The following NEK1 variants were observed in gnomAD, a reference collection of about 807,000 sequenced individuals.
The protein encoded by NEK1 is NIMA related kinase 1.
NEK1 carries 137 observed loss-of-function variants against 182.1 expected under a neutral mutation model. The ratio of observed to expected loss-of-function variants is 0.75; its 90% CI spans 0.65 to 0.87. The LOEUF is 0.87. Among genes scored for constraint, NEK1 ranks in the 40% least tolerant of loss-of-function variants. The probability of loss-of-function intolerance (pLI) is 0.00; values close to 1 mark genes in which losing one functional copy is unlikely to be tolerated. For missense variants in NEK1, 1,391 were observed against 1,494.4 expected (o/e 0.93, Z 1.14); for synonymous variants, 513 against 492.2 (o/e 1.04, Z -0.56).
chr4:169,413,464 TA>T (rs1734004253), intron 31 of NEK1, among the ~76,000 whole-genome samples: 1 of 152,174 alleles, frequency 6.6e-6, no homozygotes, highest in South Asian at 2.1e-4. Flanking sequence ...CACATTCCTC[TA>T]CAACAAATTC....
At chr4:169,589,652 T>G in intron 6 of NEK1, 138 bp from the exon 7 acceptor site, 1 of 579,324 alleles carries the variant, frequency 1.7e-6, no homozygotes, top group Non-Finnish European at 3.0e-6. Context: ...AAAGAATAAA[T>G]GAAGTCCCCT....
At chr4:169,429,246 T>G (rs1736981355) in intron 29 of NEK1, among the ~76,000 whole-genome samples, 1 of 152,212 alleles carries the variant, frequency 6.6e-6, no homozygotes, top group Non-Finnish European at 1.5e-5. Flanking sequence ...TATTTTTAGC[T>G]ATCTCCTTAT....
intron 27 of NEK1, among the ~76,000 whole-genome samples, chr4:169,461,792 C>T (rs1039423599): frequency 3.3e-5 from 5 of 152,050 alleles, no homozygotes; most frequent in African/African-American, 1.2e-4. Context: ...GTCCTTTTCA[C>T]GCAATGTTAT....
chr4:169,563,069 T>C (rs1385332251), intron 12 of NEK1, among the ~76,000 whole-genome samples: 2 of 152,144 alleles, frequency 1.3e-5, no homozygotes, highest in African/African-American at 2.4e-5. Flanking sequence ...TCTAAAGTAT[T>C]TGGGGGCGGG....
chr4:169,480,598 C>T (rs908836408), intron 23 of NEK1, among the ~76,000 whole-genome samples: 1 of 149,632 alleles, frequency 6.7e-6, no homozygotes, highest in Non-Finnish European at 1.5e-5. Context: ...TGCCTTGATA[C>T]TGATGGCTAC....
At chr4:169,437,967 C>A in intron 28 of NEK1, 116 bp downstream of exon 28, 1 of 765,036 alleles carries the variant, frequency 1.3e-6, no homozygotes, top group Non-Finnish European at 1.9e-6. Flanking sequence ...AATACTGAAC[C>A]TAATTTGAGA....
intron 35 of NEK1, among the ~76,000 whole-genome samples, chr4:169,399,816 G>A (rs1186792650): frequency 1.3e-5 from 2 of 151,900 alleles, no homozygotes; most frequent in Non-Finnish European, 2.9e-5. Context: ...GTAGAGATAG[G>A]GTTTCACTAT....
chr4:169,507,126 C>A lies in NEK1; in HGVS notation c.1918G>T (p.Ala640Ser). 1 of 1,583,570 alleles carries A rather than the reference C, an allele frequency of 6.3e-7. No homozygotes were observed. The highest frequency in any genetic ancestry group is 1.2e-5 in the South Asian group (1 of 85,676). Residue 640 changes from alanine to serine, a missense_variant, in exon 23 of 36, where the codon GCA becomes TCA. Ala to Ser is a moderately conservative substitution (Grantham distance 99). Coordinates refer to ENST00000507142, the MANE Select transcript of NEK1 (RefSeq NM_001199397.3). ...TTTAGTACAGCAGCACGTGCATTTG[C>A]ATGGGCCTAAAAATAAAAACAATTA... Reference protein sequence around the residue: ...RKKIESLKAHANARAAVLKEQ... With the variant: ...RKKIESLKAHSNARAAVLKEQ...
At chr4:169,608,462 A>C (rs983271812) in intron 2 of NEK1, among the ~76,000 whole-genome samples, 2 of 152,234 alleles carry the variant, frequency 1.3e-5, no homozygotes, top group Non-Finnish European at 2.9e-5. Flanking sequence ...CTGAAATGTA[A>C]GAAATAAAAG....
chr4:169,513,833 A>G (rs960498324), intron 19 of NEK1, among the ~76,000 whole-genome samples: 1 of 152,062 alleles, frequency 6.6e-6, no homozygotes, highest in African/African-American at 2.4e-5. Flanking sequence ...TAATCATATG[A>G]ATTTCCTTCT....
At chr4:169,453,242 G>T (rs1742181491) in intron 27 of NEK1, among the ~76,000 whole-genome samples, 1 of 152,208 alleles carries the variant, frequency 6.6e-6, no homozygotes, top group South Asian at 2.1e-4. Context: ...ACTGCCCAAA[G>T]TAATTTATAG....
chr4:169,463,054 G>A (rs1423871239), intron 27 of NEK1, among the ~76,000 whole-genome samples, 189 bp downstream of exon 27: 1 of 151,868 alleles, frequency 6.6e-6, no homozygotes, highest in Non-Finnish European at 1.5e-5. Context: ...GGTCTATCAG[G>A]TCAAAACTCA....
At chr4:169,541,644 A>G (rs779034691) in intron 18 of NEK1, among the ~76,000 whole-genome samples, 3 of 152,184 alleles carry the variant, frequency 2.0e-5, no homozygotes, top group Non-Finnish European at 4.4e-5. Flanking sequence ...AATTATAATA[A>G]TCAGAAATTG....
rs569539235 is a variant in NEK1, at chr4:169,445,865, T to TATACAC, written c.2588-7607_2588-7606insGTGTAT. ...AACTATATACATATATATATATATA[T>TATACAC]ACACACACACACACACACACATGCA... On this transcript the variant is annotated intron_variant, in intron 27 of 35. Transcript: ENST00000507142. Among the ~76,000 whole-genome samples the TATACAC allele has an allele frequency of 7.3e-4, 104 of 143,274 alleles. 1 individual carries two copies. The highest frequency in any genetic ancestry group is 7.2e-3 in the Middle Eastern group (2 of 278). The allele number at this position is 143,274 out of a possible 152,430, so 94.0% of individuals were successfully genotyped here. A position where few individuals can be genotyped will look rare whatever the true frequency, so the allele number is the denominator to read the frequency against.
At chr4:169,529,409 G>A (rs991391337) in intron 19 of NEK1, among the ~76,000 whole-genome samples, 4 of 152,200 alleles carry the variant, frequency 2.6e-5, no homozygotes, top group Admixed American at 6.5e-5. Flanking sequence ...TATGTTATGT[G>A]TATTTTATTA....
chr4:169,596,422 C>G (rs1769503187), intron 5 of NEK1, among the ~76,000 whole-genome samples: 1 of 152,126 alleles, frequency 6.6e-6, no homozygotes, highest in African/African-American at 2.4e-5. Context: ...TGTGGGGAGA[C>G]TATCAAAAAA....
At chr4:169,442,328 C>T (rs1281535399) in intron 27 of NEK1, among the ~76,000 whole-genome samples, 1 of 152,084 alleles carries the variant, frequency 6.6e-6, no homozygotes, top group Non-Finnish European at 1.5e-5. Context: ...TCACAGATAC[C>T]ACTGACACTG....
intron 2 of NEK1, among the ~76,000 whole-genome samples, chr4:169,606,778 G>A (rs941597347): frequency 3.9e-5 from 6 of 152,204 alleles, no homozygotes; most frequent in Non-Finnish European, 7.3e-5. Flanking sequence ...GGTGTTCTTA[G>A]TATCAGATCA....
intron 23 of NEK1, among the ~76,000 whole-genome samples, chr4:169,484,131 C>T (rs763388403): frequency 2.0e-5 from 3 of 152,128 alleles, no homozygotes; most frequent in Admixed American, 6.5e-5. Flanking sequence ...TTTGAATGAA[C>T]ACATTCTGCT....
Sources: allele counts gnomAD v4.1 joint callset (sites outside exome capture counted in the v4.1 genomes callset), GRCh38; gene constraint gnomAD v4.1.1; transcripts MANE v1.5; gene names NCBI Gene and HGNC (gene_info 2026-07-23, HGNC 2026-07-21).